Variants in NKAIN3 observed in about 807,000 individuals in gnomAD.
NKAIN3 encodes sodium/potassium-transporting ATPase subunit beta-1-interacting protein 3.
A neutral mutation model predicts 30.2 loss-of-function variants in NKAIN3; 25 were observed. The ratio of observed to expected loss-of-function variants is 0.83; its 90% CI spans 0.60 to 1.16. The LOEUF (loss-of-function observed/expected upper bound fraction) is 1.16, where lower values mean the gene tolerates loss of function less well. Ranked by LOEUF, NKAIN3 falls within the 50% of genes most tolerant of loss-of-function variation. The probability of loss-of-function intolerance (pLI) is 0.00; values close to 1 mark genes in which losing one functional copy is unlikely to be tolerated. For missense variants in NKAIN3, 225 were observed against 254.1 expected, an observed-to-expected ratio of 0.89 and a Z score of 0.78; for synonymous variants, 91 against 89.6, an observed-to-expected ratio of 1.02 and a Z score of -0.09.
At chr8:62,306,198 T>A (rs1814234370) in intron 1 of NKAIN3, among the ~76,000 whole-genome samples, 1 of 150,368 alleles carries the variant, frequency 6.7e-6, no homozygotes, top group African/African-American at 2.5e-5. Context: ...TGCAGACTTT[T>A]GTTTTCACAC....
chr8:62,951,457 T>C (rs1440097628), intron 5 of NKAIN3, among the ~76,000 whole-genome samples: 1 of 152,178 alleles, frequency 6.6e-6, no homozygotes, highest in East Asian at 1.9e-4. Flanking sequence ...TGTTTGTTTG[T>C]TTGCTTTGTT....
Position 62,291,339 on chromosome 8 carries a change from A to G in NKAIN3, c.54+42212A>G, listed in dbSNP as rs549698597. Among the ~76,000 whole-genome samples the G allele has an allele frequency of 1.2e-4, 18 of 152,232 alleles. No homozygotes were observed. The South Asian group carries it at 2.3e-3, about 19-fold the overall frequency. On this transcript the variant is annotated intron_variant, in intron 1 of 6. Coordinates refer to ENST00000623646, the MANE Select transcript of NKAIN3 (RefSeq NM_001304533.3). ...TTTCAATTGTGATGTTAGGGTGTCA[A>G]TTTTACATCTTTCCTGCTTTCTCAT...
At chr8:62,291,198 T>C (rs1265943230) in intron 1 of NKAIN3, among the ~76,000 whole-genome samples, 1 of 152,198 alleles carries the variant, frequency 6.6e-6, no homozygotes, top group Non-Finnish European at 1.5e-5. Context: ...AGCTCCTGGA[T>C]TCATGGATTT....
At chr8:62,654,453 T>C (rs767855113) in intron 3 of NKAIN3, among the ~76,000 whole-genome samples, 4 of 152,122 alleles carry the variant, frequency 2.6e-5, no homozygotes, top group Non-Finnish European at 5.9e-5. Context: ...ACAAATCCAC[T>C]GTCGGCACAT....
intron 1 of NKAIN3, among the ~76,000 whole-genome samples, chr8:62,440,909 C>T (rs796946285): frequency 4.6e-5 from 7 of 152,124 alleles, no homozygotes; most frequent in African/African-American, 1.7e-4. Flanking sequence ...TAATTTGTTT[C>T]GACTGCCATG....
chr8:62,611,879 T>C (rs931359839), intron 3 of NKAIN3, among the ~76,000 whole-genome samples: 3 of 152,130 alleles, frequency 2.0e-5, no homozygotes, highest in Admixed American at 6.6e-5. Flanking sequence ...TTCTCCATAA[T>C]GGTTGTACTA....
chr8:62,619,105 G>A (rs16929298), intron 3 of NKAIN3, among the ~76,000 whole-genome samples: 26,747 of 151,970 alleles, frequency 0.18, 2,756 homozygotes, highest in East Asian at 0.32. Flanking sequence ...AGTGTAACAG[G>A]TGATTTCGTG....
At position 62,926,791 on chromosome 8, in the gene NKAIN3, A is replaced by T. The variant is rs1279535880; in HGVS notation, c.532+8278A>T. ...AGTTCCCAGGCTCTCTATCTGTCAG[A>T]TCTGTCTGTATCCATCTGTGATCAT... On this transcript the variant is annotated intron_variant, in intron 5 of 6. Coordinates refer to ENST00000623646, the MANE Select transcript of NKAIN3 (RefSeq NM_001304533.3). Among the ~76,000 whole-genome samples the T allele has an allele frequency of 3.3e-5, 5 of 152,142 alleles. No individual in the cohort carries two copies. In the South Asian group the frequency reaches 6.2e-4, roughly 19 times the overall value.
intron 3 of NKAIN3, among the ~76,000 whole-genome samples, chr8:62,733,209 G>A (rs1815536696): frequency 2.0e-5 from 3 of 151,912 alleles, no homozygotes; most frequent in Admixed American, 6.6e-5. Context: ...ATCTTGCATG[G>A]CACTGATGAG....
At chr8:62,733,955 T>C (rs1815565138) in intron 3 of NKAIN3, among the ~76,000 whole-genome samples, 1 of 152,238 alleles carries the variant, frequency 6.6e-6, no homozygotes, top group South Asian at 2.1e-4. Flanking sequence ...TCTCTTCCCT[T>C]TAGTGATTTT....
At chr8:62,918,336 C>A in intron 4 of NKAIN3, 117 bp from the exon 5 acceptor site, 2 of 730,622 alleles carry the variant, frequency 2.7e-6, no homozygotes, top group Non-Finnish European at 4.7e-6. Flanking sequence ...AAGAGTTTTT[C>A]CACTGCAAAC....
chr8:62,605,651 A>T (rs1466207639), intron 3 of NKAIN3, among the ~76,000 whole-genome samples: 1 of 152,096 alleles, frequency 6.6e-6, no homozygotes, highest in East Asian at 1.9e-4. Context: ...CCAAATTTAA[A>T]ATGTAGCGTA....
chr8:62,533,540 C>T (rs576844914), intron 1 of NKAIN3, among the ~76,000 whole-genome samples: 1 of 152,348 alleles, frequency 6.6e-6, no homozygotes, highest in South Asian at 2.1e-4. Context: ...GAGAATCATC[C>T]TCTAAAGAAC....
chr8:62,829,729 C>CTAGATAGATAGATGATAGA (rs901486161), intron 4 of NKAIN3, among the ~76,000 whole-genome samples: 4 of 123,000 alleles, frequency 3.3e-5, no homozygotes, highest in African/African-American at 1.3e-4. Flanking sequence ...TGTTTGTTAA[C>CTAGATAGATAGATGATAGA]TAGATAGATA....
chr8:62,744,504 G>A (rs1816004929), intron 3 of NKAIN3, among the ~76,000 whole-genome samples: 1 of 152,276 alleles, frequency 6.6e-6, no homozygotes, highest in South Asian at 2.1e-4. Context: ...AATAGGAAAG[G>A]TCGCTGGGTA....
intron 1 of NKAIN3, among the ~76,000 whole-genome samples, chr8:62,538,123 C>G (rs999337149): frequency 2.6e-5 from 4 of 152,126 alleles, no homozygotes; most frequent in African/African-American, 9.7e-5. Flanking sequence ...CTGGCTTGAT[C>G]TCTATACAAG....
At chr8:62,469,127 C>T (rs576089662) in intron 1 of NKAIN3, among the ~76,000 whole-genome samples, 268 of 152,208 alleles carry the variant, frequency 1.8e-3, no homozygotes, top group Non-Finnish European at 3.1e-3. Flanking sequence ...TTCACACCTC[C>T]GAGCCTAGAA....
chr8:62,416,055 C>T (rs1804435483), intron 1 of NKAIN3, among the ~76,000 whole-genome samples: 1 of 152,070 alleles, frequency 6.6e-6, no homozygotes, highest in Non-Finnish European at 1.5e-5. Flanking sequence ...CACGCCTGGC[C>T]TAAGAATTAT....
At chr8:62,631,173 C>T (rs1462320944) in intron 3 of NKAIN3, among the ~76,000 whole-genome samples, 1 of 152,122 alleles carries the variant, frequency 6.6e-6, no homozygotes, top group Non-Finnish European at 1.5e-5. Flanking sequence ...AAACTTTTGA[C>T]CATACTACCA....
Sources: allele counts gnomAD v4.1 joint callset (sites outside exome capture counted in the v4.1 genomes callset), GRCh38; gene constraint gnomAD v4.1.1; transcripts MANE v1.5; gene names NCBI Gene and HGNC (gene_info 2026-07-23, HGNC 2026-07-21).